Variants in SLC18A2 observed in about 807,000 individuals in gnomAD.
SLC18A2 encodes the protein solute carrier family 18 member A2, also known as synaptic vesicular amine transporter.
A neutral mutation model predicts 59.2 loss-of-function variants in SLC18A2; 33 were observed. That is an observed-to-expected ratio of 0.56 (90% confidence interval 0.42 to 0.75). SLC18A2 has a LOEUF of 0.75. SLC18A2 is among the 30% of genes least tolerant of loss of function. The pLI, the probability that SLC18A2 is intolerant of heterozygous loss-of-function variation, is 0.00. For missense variants in SLC18A2, 569 were observed against 668.6 expected (o/e 0.85, Z 1.64); for synonymous variants, 228 against 253.5 (o/e 0.90, Z 0.95).
intron 3 of SLC18A2, among the ~76,000 whole-genome samples, chr10:117,250,516 G>C (rs115994198): frequency 0.011 from 1,600 of 152,288 alleles, 23 homozygotes; most frequent in African/African-American, 0.037. Context: ...TGTTTCTAAA[G>C]AAAACACAGT....
chr10:117,249,889 A>G (rs141143904), intron 3 of SLC18A2, among the ~76,000 whole-genome samples: 55 of 152,332 alleles, frequency 3.6e-4, no homozygotes, highest in African/African-American at 1.2e-3. Flanking sequence ...GTGGGCCAGT[A>G]TGACATTTGG....
At chr10:117,244,378 G>A in intron 3 of SLC18A2, 65 bp downstream of exon 3, 1 of 1,397,572 alleles carries the variant, frequency 7.2e-7, no homozygotes, top group Non-Finnish European at 9.7e-7. Flanking sequence ...TGTCCTTCCT[G>A]GAATTCTGCT....
At chr10:117,275,398 ATGGG>A (rs1844475192) in intron 15 of SLC18A2, among the ~76,000 whole-genome samples, 1 of 152,198 alleles carries the variant, frequency 6.6e-6, no homozygotes, top group African/African-American at 2.4e-5. Context: ...AACAGACAAG[ATGGG>A]TTACAATAGG....
Position 117,255,377 on chromosome 10 carries a change from C to T in SLC18A2, c.790+11C>T, listed in dbSNP as rs1589980355. 6.2e-7 allele frequency: 1 copy of T among 1,614,182 alleles called. No homozygotes were observed. The highest frequency in any genetic ancestry group is 8.5e-7 in the Non-Finnish European group (1 of 1,179,978). On this transcript the variant is annotated intron_variant, in intron 7 of 15. Coordinates refer to ENST00000644641, the MANE Select transcript of SLC18A2 (RefSeq NM_003054.6). ...TACTCTTGGATGGAGGTGAGTGAGT[C>T]CACGTGGGCGCCATGCCATGACCTT...
chr10:117,256,669 C>T (rs545394868), intron 9 of SLC18A2, among the ~76,000 whole-genome samples: 123 of 152,200 alleles, frequency 8.1e-4, no homozygotes, highest in African/African-American at 2.9e-3. Flanking sequence ...GCTTGCTGGC[C>T]AAAGGGATAT....
In SLC18A2 at chr10:117,243,946, C is replaced by T. The variant is rs142954439; in HGVS notation, c.122-25C>T. On this transcript the variant is annotated intron_variant, in intron 2 of 15. Transcript: ENST00000644641. ...GAGAGGGTTTCAGTGTGATCACCAC[C>T]TTGCCATTCTGCTCTTATCCCCAGT... The T allele has an allele frequency of 1.5e-4, 232 of 1,584,700 alleles. 1 individual carries two copies. The African/African-American group carries it at 2.8e-3, about 19-fold the overall frequency.
At chr10:117,257,741 G>A (rs1844246359) in intron 9 of SLC18A2, 56 bp from the exon 10 acceptor site, 1 of 1,174,894 alleles carries the variant, frequency 8.5e-7, no homozygotes, top group Non-Finnish European at 1.2e-6. Flanking sequence ...GTCTAACTGT[G>A]CCTGGAAATG....
At chr10:117,250,511 C>G (rs1414231973) in intron 3 of SLC18A2, among the ~76,000 whole-genome samples, 3 of 152,214 alleles carry the variant, frequency 2.0e-5, no homozygotes, top group Non-Finnish European at 4.4e-5. Context: ...TGCAGTGTTT[C>G]TAAAGAAAAC....
At chr10:117,251,316 G>A (rs1341993610) in intron 3 of SLC18A2, among the ~76,000 whole-genome samples, 1 of 152,148 alleles carries the variant, frequency 6.6e-6, no homozygotes, top group Non-Finnish European at 1.5e-5. Context: ...GAGCCTCCTG[G>A]ACGTTTCCTG....
At chr10:117,268,933 C>T (rs1394843821) in intron 13 of SLC18A2, among the ~76,000 whole-genome samples, 2 of 151,618 alleles carry the variant, frequency 1.3e-5, no homozygotes, top group African/African-American at 2.4e-5. Context: ...GAAGCTAAAA[C>T]ACACATGCAC....
At chr10:117,248,894 G>T (rs1844135269) in intron 3 of SLC18A2, among the ~76,000 whole-genome samples, 1 of 152,166 alleles carries the variant, frequency 6.6e-6, no homozygotes, top group Non-Finnish European at 1.5e-5. Context: ...GCTTGTCATT[G>T]TCTCAGTGAT....
At chr10:117,263,555 G>A (rs1167557217) in intron 10 of SLC18A2, among the ~76,000 whole-genome samples, 1 of 152,186 alleles carries the variant, frequency 6.6e-6, no homozygotes, top group East Asian at 1.9e-4. Context: ...TCGCTCCCTT[G>A]CCAGCCTGCC....
chr10:117,277,315 T>A lies in SLC18A2; in HGVS notation c.*49T>A. ...AAGTGTTTAATTGTATAAAACAGTG[T>A]TTCCAGTGACACAACTCATCCAGAA... On this transcript the variant is annotated 3_prime_UTR_variant, in exon 16 of 16. Transcript: ENST00000644641. The A allele has an allele frequency of 1.7e-6, 2 of 1,195,174 alleles. No individual in the cohort carries two copies. Among genetic ancestry groups the A allele is most frequent in the Non-Finnish European group, 2.4e-6 (2 of 817,310 alleles). 74.0% of individuals were successfully genotyped at this position (1,195,174 alleles called of 1,614,324 possible). A position where few individuals can be genotyped will look rare whatever the true frequency, so the allele number is the denominator to read the frequency against.
At chr10:117,249,572 G>A (rs1844140432) in intron 3 of SLC18A2, among the ~76,000 whole-genome samples, 1 of 152,212 alleles carries the variant, frequency 6.6e-6, no homozygotes. Flanking sequence ...GTGATAGTTT[G>A]CACCCTTCGG....
At chr10:117,250,122 C>T (rs976893286) in intron 3 of SLC18A2, among the ~76,000 whole-genome samples, 3 of 152,120 alleles carry the variant, frequency 2.0e-5, no homozygotes, top group Admixed American at 2.0e-4. Flanking sequence ...GGTGGGTGCC[C>T]GAGGGGCCAG....
intron 15 of SLC18A2, among the ~76,000 whole-genome samples, chr10:117,276,539 A>C (rs1382084800): frequency 6.9e-6 from 1 of 144,846 alleles, no homozygotes; most frequent in Non-Finnish European, 1.5e-5. Flanking sequence ...GCTTGAACCC[A>C]GGAGGTAGAG....
chr10:117,249,514 A>G (rs937908646), intron 3 of SLC18A2, among the ~76,000 whole-genome samples: 2 of 152,200 alleles, frequency 1.3e-5, no homozygotes, highest in Admixed American at 6.5e-5. Flanking sequence ...ACCTTTTAGG[A>G]GTGTGTAGGG....
chr10:117,264,829 C>T (rs1589983408), intron 10 of SLC18A2, among the ~76,000 whole-genome samples: 1 of 152,290 alleles, frequency 6.6e-6, no homozygotes, highest in Middle Eastern at 3.4e-3. Flanking sequence ...GGAAGTCCTA[C>T]GACACAGCTT....
chr10:117,276,497 T>C (rs1379851998), intron 15 of SLC18A2, among the ~76,000 whole-genome samples: 1 of 148,396 alleles, frequency 6.7e-6, no homozygotes, highest in African/African-American at 2.5e-5. Flanking sequence ...ACCTGTAATA[T>C]CAGCTACTTG....
Sources: gnomAD v4.1 joint callset for allele counts (sites outside exome capture counted in the v4.1 genomes callset) on GRCh38, gnomAD v4.1.1 for gene constraint, MANE v1.5 for transcripts, NCBI Gene and HGNC (gene_info 2026-07-23, HGNC 2026-07-21) for gene names.